Variants in MTM1 observed in about 807,000 individuals in gnomAD.
MTM1 encodes the protein myotubularin 1.
A neutral mutation model predicts 52.1 loss-of-function variants in MTM1; 9 were observed. The ratio of observed to expected loss-of-function variants is 0.17; its 90% CI spans 0.10 to 0.30. MTM1 has a LOEUF of 0.30. Among genes scored for constraint, MTM1 ranks in the 10% least tolerant of loss-of-function variants. The pLI is 1.00. For synonymous variants in MTM1, 136 were observed against 163.8 expected (o/e 0.83, Z 1.29); for missense variants, 277 against 470.7 (o/e 0.59, Z 3.81).
At chrX:150,565,085 T>C (rs1466278314), upstream of MTM1, among the ~76,000 whole-genome samples, 1 of 112,328 alleles carries the variant, frequency 8.9e-6, no homozygotes, top group Non-Finnish European at 1.9e-5. Flanking sequence ...ATTTAAACCC[T>C]GGAACCTTTG....
chrX:150,651,967 C>A (rs782761889), intron 10 of MTM1, among the ~76,000 whole-genome samples: 37 of 110,506 alleles, frequency 3.3e-4, no homozygotes, highest in African/African-American at 1.2e-3. Context: ...CCTTTATGAC[C>A]TTGGGGGTGT....
chrX:150,569,103 C>T (rs1445101162), intron 1 of MTM1, among the ~76,000 whole-genome samples: 4 of 113,843 alleles, frequency 3.5e-5, no homozygotes, highest in African/African-American at 1.3e-4. Flanking sequence ...GGGCGTCCGT[C>T]GCATCCCCGG....
At chrX:150,650,382 A>T (rs1282835694) in intron 10 of MTM1, among the ~76,000 whole-genome samples, 1 of 111,636 alleles carries the variant, frequency 9.0e-6, no homozygotes, top group Non-Finnish European at 1.9e-5. Context: ...TCCACTTTTT[A>T]AAAAGTACTT....
chrX:150,614,919 A>G (rs1235431871), intron 5 of MTM1, among the ~76,000 whole-genome samples: 2 of 111,505 alleles, frequency 1.8e-5, no homozygotes, highest in Admixed American at 9.6e-5. Context: ...GACTCGAGGA[A>G]CTGGTCAGTT....
intron 6 of MTM1, among the ~76,000 whole-genome samples, chrX:150,630,236 C>T (rs1423836746): frequency 9.0e-6 from 1 of 111,369 alleles, no homozygotes; most frequent in Non-Finnish European, 1.9e-5. Context: ...GAGATTATAG[C>T]GTGGGCCACC....
rs1336675936 is a variant in MTM1 at position 150,672,746 on chromosome X, A to G, written c.*1151A>G. 1 of 112,371 alleles carries G rather than the reference A, an allele frequency of 8.9e-6. No individual in the cohort carries two copies. The highest frequency in any genetic ancestry group is 1.9e-5 in the Non-Finnish European group (1 of 53,304). The allele number at this position is 112,371 out of a possible 1,213,427, so 9.3% of individuals were successfully genotyped here. On this transcript the variant is annotated 3_prime_UTR_variant, in exon 15 of 15. Coordinates refer to ENST00000370396, the MANE Select transcript of MTM1 (RefSeq NM_000252.3). ...ATCTGAACTAATTCATTTATTAAGTATATTTGTAAAAGCTAAGGCTCGAGT... is the reference window on the plus strand; with the variant it reads ...ATCTGAACTAATTCATTTATTAAGTGTATTTGTAAAAGCTAAGGCTCGAGT...
chrX:150,577,693 T>C (rs782070570), intron 1 of MTM1, among the ~76,000 whole-genome samples: 2 of 112,499 alleles, frequency 1.8e-5, no homozygotes, highest in Admixed American at 1.9e-4. Context: ...AGATATGTGA[T>C]TTGCAAGCAT....
chrX:150,660,575 G>T (rs782490113), intron 13 of MTM1, 91 bp downstream of exon 13: 1 of 583,759 alleles, frequency 1.7e-6, no homozygotes, highest in East Asian at 3.5e-5. Flanking sequence ...TAGCTTGTAA[G>T]ACACTGTCTT....
intron 10 of MTM1, among the ~76,000 whole-genome samples, chrX:150,650,572 T>C (rs1557414161): frequency 9.0e-6 from 1 of 111,453 alleles, no homozygotes; most frequent in East Asian, 2.8e-4. Flanking sequence ...GCTCACCCTC[T>C]TGGTGTCATC....
intron 4 of MTM1, among the ~76,000 whole-genome samples, chrX:150,598,909 G>A (rs2039023867): frequency 8.9e-6 from 1 of 112,265 alleles, no homozygotes; most frequent in Admixed American, 9.4e-5. Context: ...TAATGGTGGG[G>A]GAGGGGTTAG....
At chrX:150,640,710 G>GA (rs1159027665) in intron 7 of MTM1, among the ~76,000 whole-genome samples, 2 of 111,079 alleles carry the variant, frequency 1.8e-5, no homozygotes, top group African/African-American at 6.6e-5. Context: ...CAACTTGATT[G>GA]AAAAAAAACT....
intron 4 of MTM1, among the ~76,000 whole-genome samples, chrX:150,607,099 C>A (rs1020662637): frequency 2.8e-5 from 3 of 108,005 alleles, no homozygotes; most frequent in Non-Finnish European, 5.8e-5. Flanking sequence ...GAGATTCTCC[C>A]GCCTCAGCTT....
intron 14 of MTM1, among the ~76,000 whole-genome samples, chrX:150,667,176 G>T (rs1451193458): frequency 5.4e-5 from 6 of 111,778 alleles, no homozygotes; most frequent in Non-Finnish European, 9.4e-5. Context: ...TCGTGTGACT[G>T]CCACCCCACC....
At chrX:150,665,291 G>C (rs926370709) in intron 14 of MTM1, among the ~76,000 whole-genome samples, 2 of 112,300 alleles carry the variant, frequency 1.8e-5, no homozygotes. Flanking sequence ...CAGGCACTAG[G>C]GGGATGCAGA....
chrX:150,669,511 C>T (rs2040361432), intron 14 of MTM1, among the ~76,000 whole-genome samples: 1 of 111,964 alleles, frequency 8.9e-6, no homozygotes, highest in Non-Finnish European at 1.9e-5. Flanking sequence ...CCTGTTTCTC[C>T]ACAGCCTCGC....
intron 14 of MTM1, among the ~76,000 whole-genome samples, chrX:150,669,771 A>G (rs1557415096): frequency 8.9e-6 from 1 of 112,359 alleles, no homozygotes; most frequent in African/African-American, 3.2e-5. Flanking sequence ...TCTGAATATT[A>G]GACCTTTGTC....
intron 2 of MTM1, among the ~76,000 whole-genome samples, chrX:150,595,425 A>G (rs1403482599): frequency 8.9e-6 from 1 of 111,943 alleles, no homozygotes; most frequent in Non-Finnish European, 1.9e-5. Context: ...CCAAGATTGC[A>G]CCACTGTTGC....
intron 3 of MTM1, 44 bp from the exon 4 acceptor site, chrX:150,598,548 G>C (rs1557412656): frequency 1.3e-6 from 1 of 765,391 alleles, no homozygotes; most frequent in Admixed American, 2.3e-5. Flanking sequence ...GTGTATCTTG[G>C]TATCTATTTC....
Position 150,584,564 on chromosome X carries a change from C to T in MTM1, c.-10-8041C>T, listed in dbSNP as rs148462319. Among the ~76,000 whole-genome samples the T allele has an allele frequency of 9.2e-4, 103 of 111,404 alleles. 1 individual carries two copies. The East Asian group carries it at 0.026, about 28-fold the overall frequency. On this transcript the variant is annotated intron_variant, in intron 1 of 14. Transcript: ENST00000370396. Reference sequence around the variant, plus strand: ...GTTTCTTCACGGAATACTGAGTACCCAAACTGTGCTTTGTGCTGGTGCCAG... The same window carrying T: ...GTTTCTTCACGGAATACTGAGTACCTAAACTGTGCTTTGTGCTGGTGCCAG...
Sources: allele counts gnomAD v4.1 joint callset (sites outside exome capture counted in the v4.1 genomes callset), GRCh38; gene constraint gnomAD v4.1.1; transcripts MANE v1.5; gene names NCBI Gene and HGNC (gene_info 2026-07-23, HGNC 2026-07-21).